SCN8A: variants seen among roughly 807,000 people sequenced by gnomAD.
SCN8A encodes the protein sodium channel protein type 8 subunit alpha.
SCN8A carries 30 observed loss-of-function variants against 184.1 expected under a neutral mutation model. That is an observed-to-expected ratio of 0.16 (90% confidence interval 0.12 to 0.22). SCN8A has a LOEUF of 0.22. SCN8A is among the 10% of genes least tolerant of loss of function. SCN8A has a pLI of 1.00. For synonymous variants in SCN8A, 852 were observed against 907.0 expected (o/e 0.94, Z 1.09); for missense variants, 1,057 against 2,498.9 (o/e 0.42, Z 12.30).
At chr12:51,726,631 T>C (rs1295738444) in intron 12 of SCN8A, among the ~76,000 whole-genome samples, 1 of 152,218 alleles carries the variant, frequency 6.6e-6, no homozygotes, top group Non-Finnish European at 1.5e-5. Flanking sequence ...ACCTCTGTTA[T>C]AGGGCTATTG....
intron 26 of SCN8A, among the ~76,000 whole-genome samples, chr12:51,801,881 C>G (rs1237503666): frequency 1.3e-5 from 2 of 152,064 alleles, no homozygotes; most frequent in Non-Finnish European, 2.9e-5. Flanking sequence ...ATGGTGAAAC[C>G]CCGTCTCTAC....
At chr12:51,720,157 AC>A (rs1287074434) in intron 11 of SCN8A, among the ~76,000 whole-genome samples, 1 of 151,460 alleles carries the variant, frequency 6.6e-6, no homozygotes, top group East Asian at 1.9e-4. Flanking sequence ...TTATTTAAAA[AC>A]ATCAATGCCG....
intron 6 of SCN8A, among the ~76,000 whole-genome samples, chr12:51,695,125 TG>T (rs1941572162): frequency 6.6e-6 from 1 of 152,262 alleles, no homozygotes; most frequent in South Asian, 2.1e-4. Context: ...CTTGGTGATC[TG>T]GATGGGAATC....
intron 1 of SCN8A, among the ~76,000 whole-genome samples, chr12:51,659,548 G>A (rs1053229063): frequency 6.6e-6 from 1 of 152,162 alleles, no homozygotes; most frequent in Non-Finnish European, 1.5e-5. Context: ...TGATGCATAC[G>A]GTTGTAGAAT....
intron 2 of SCN8A, among the ~76,000 whole-genome samples, chr12:51,682,366 T>C (rs1364399334): frequency 6.6e-6 from 1 of 152,218 alleles, no homozygotes; most frequent in Non-Finnish European, 1.5e-5. Flanking sequence ...TCTTCTATTT[T>C]GTGGGAGAGT....
chr12:51,773,985 A>G (rs1453309881), intron 19 of SCN8A, among the ~76,000 whole-genome samples: 1 of 152,226 alleles, frequency 6.6e-6, no homozygotes. Flanking sequence ...GCCATTTTAA[A>G]TGGCTGAATT....
chr12:51,706,297 G>A, intron 10 of SCN8A, 125 bp from the exon 11 acceptor site: 1 of 900,488 alleles, frequency 1.1e-6, no homozygotes, highest in Non-Finnish European at 1.6e-6. Context: ...TAACAGTCTA[G>A]GTTTCCTGCC....
intron 12 of SCN8A, among the ~76,000 whole-genome samples, chr12:51,734,254 A>G (rs1942288109): frequency 6.6e-6 from 1 of 152,070 alleles, no homozygotes; most frequent in Non-Finnish European, 1.5e-5. Flanking sequence ...GGAATTAAAG[A>G]CACACACACA....
At chr12:51,723,026 C>T (rs1465603588) in intron 12 of SCN8A, 1 of 152,224 alleles carries the variant, frequency 6.6e-6, no homozygotes, top group African/African-American at 2.4e-5. Flanking sequence ...ACTTCAGTTT[C>T]TTCTAACACA....
At chr12:51,677,903 T>C (rs1941252462) in intron 2 of SCN8A, among the ~76,000 whole-genome samples, 1 of 152,222 alleles carries the variant, frequency 6.6e-6, no homozygotes, top group Non-Finnish European at 1.5e-5. Flanking sequence ...CACAAAGATC[T>C]AATTTGAGAC....
intron 23 of SCN8A, among the ~76,000 whole-genome samples, 199 bp from the exon 24 acceptor site, chr12:51,789,082 A>G (rs536268519): frequency 5.3e-5 from 8 of 152,290 alleles, no homozygotes; most frequent in African/African-American, 1.9e-4. Context: ...CATGTTCTCC[A>G]CATGAGTCAG....
intron 1 of SCN8A, among the ~76,000 whole-genome samples, chr12:51,604,420 CTGTA>C (rs1939537763): frequency 1.3e-5 from 2 of 152,146 alleles, no homozygotes. Flanking sequence ...TTCCATCAGT[CTGTA>C]TGTGTGTCTG....
chr12:51,716,635 C>T (rs967351652), intron 11 of SCN8A, among the ~76,000 whole-genome samples: 8 of 151,994 alleles, frequency 5.3e-5, no homozygotes, highest in South Asian at 2.1e-4. Context: ...ATTTTTATGA[C>T]GGTGTGATAG....
intron 17 of SCN8A, among the ~76,000 whole-genome samples, chr12:51,769,645 T>C (rs1942892458): frequency 6.6e-6 from 1 of 152,188 alleles, no homozygotes; most frequent in Non-Finnish European, 1.5e-5. Flanking sequence ...CGCATTTAGC[T>C]TTGGGTGGGT....
chr12:51,727,554 C>G (rs1467195284), intron 12 of SCN8A, among the ~76,000 whole-genome samples: 1 of 152,108 alleles, frequency 6.6e-6, no homozygotes, highest in African/African-American at 2.4e-5. Context: ...GAGCCTGTAA[C>G]AAAGGTACAT....
intron 21 of SCN8A, among the ~76,000 whole-genome samples, chr12:51,785,036 C>T (rs1938045544): frequency 6.6e-6 from 1 of 152,190 alleles, no homozygotes; most frequent in African/African-American, 2.4e-5. Context: ...TGAATCTTTA[C>T]CTAATCTACT....
At chr12:51,604,827 C>T (rs1032494423) in intron 1 of SCN8A, among the ~76,000 whole-genome samples, 2 of 152,122 alleles carry the variant, frequency 1.3e-5, no homozygotes, top group South Asian at 2.1e-4. Context: ...GCCACTGTAC[C>T]AGGCTCCAGT....
At chr12:51,780,560 T>C in intron 20 of SCN8A, 89 bp from the exon 21 acceptor site, 1 of 736,372 alleles carries the variant, frequency 1.4e-6, no homozygotes, top group Non-Finnish European at 1.8e-6. Context: ...ACCTCTGTTT[T>C]CTTTCTTTTT....
intron 20 of SCN8A, among the ~76,000 whole-genome samples, chr12:51,777,213 C>T (rs1047071372): frequency 2.0e-5 from 3 of 152,026 alleles, no homozygotes; most frequent in African/African-American, 7.2e-5. Context: ...GTCTTTCCCC[C>T]TTTTTTTCCA....
Sources: allele counts gnomAD v4.1 joint callset (sites outside exome capture counted in the v4.1 genomes callset), GRCh38; gene constraint gnomAD v4.1.1; transcripts MANE v1.5; gene names NCBI Gene and HGNC (gene_info 2026-07-23, HGNC 2026-07-21).